C2: variants seen among roughly 807,000 people sequenced by gnomAD.
C2 encodes the protein C3/C5 convertase.
Under a neutral mutation model 85.2 loss-of-function variants are expected in C2, and 64 were observed. The observed-to-expected ratio is 0.75, with a 90% CI of 0.61 to 0.92. C2 has a LOEUF of 0.92. Ranked by LOEUF, C2 falls within the 40% of genes least tolerant of loss-of-function variation. The pLI, the probability that C2 is intolerant of heterozygous loss-of-function variation, is 0.00. For synonymous variants in C2, 311 were observed against 370.8 expected, an observed-to-expected ratio of 0.84 and a Z score of 1.85; for missense variants, 820 against 971.6, an observed-to-expected ratio of 0.84 and a Z score of 2.07.
chr6:31,933,651 C>T lies in C2; in HGVS notation c.484C>T (p.Arg162Trp), dbSNP rs752930289. 2.0e-5 allele frequency: 33 copies of T among 1,613,026 alleles called. No homozygotes were observed. The highest frequency in any genetic ancestry group is 3.3e-5 in the South Asian group (3 of 91,094). ...CCCAGGCATTTCACTGGGCGCAGTG[C>T]GGACAGGCTTCCGCTTTGGTCATGG... ...PNPGISLGAV[R>W]TGFRFGHGDK... Residue 162 changes from arginine (R) to tryptophan (W), a missense_variant, in exon 4 of 18, where the codon CGG (arginine) becomes TGG (tryptophan). Physicochemically the swap from Arg to Trp is moderately radical, Grantham distance 101. Coordinates refer to ENST00000299367, the MANE Select transcript of C2 (RefSeq NM_000063.6).
intron 1 of C2, among the ~76,000 whole-genome samples, chr6:31,907,568 G>T (rs1479269436): frequency 7.5e-6 from 1 of 133,294 alleles, no homozygotes; most frequent in Non-Finnish European, 1.6e-5. Context: ...GGGTGATGGC[G>T]CAAGACCCTG....
chr6:31,911,698 T>G (rs538628437), intron 1 of C2, among the ~76,000 whole-genome samples: 1 of 150,816 alleles, frequency 6.6e-6, no homozygotes, highest in Admixed American at 6.6e-5. Context: ...TGGAGTGCAG[T>G]GGCACACTGC....
upstream of C2, chr6:31,899,903 T>C: frequency 6.5e-7 from 1 of 1,539,044 alleles, no homozygotes. Flanking sequence ...GGCCCCAGCC[T>C]CCTGGCCTCC....
intron 2 of C2, 34 bp downstream of exon 2, chr6:31,928,198 A>G (rs1314569513): frequency 5.1e-6 from 8 of 1,572,122 alleles, no homozygotes; most frequent in Non-Finnish European, 4.3e-6. Context: ...TCAGGGTGCT[A>G]CACCAGGGGC....
At chr6:31,903,674 GTAAT>G (rs1397842439) in intron 1 of C2, among the ~76,000 whole-genome samples, 1 of 152,036 alleles carries the variant, frequency 6.6e-6, no homozygotes, top group Non-Finnish European at 1.5e-5. Flanking sequence ...GATTGTTGAA[GTAAT>G]TCCTCTTTGG....
At chr6:31,915,299 G>T (rs1768429682), upstream of C2, among the ~76,000 whole-genome samples, 1 of 152,098 alleles carries the variant, frequency 6.6e-6, no homozygotes. Flanking sequence ...TCCCTCCCCA[G>T]CCCTGAAAGG....
In C2 at chr6:31,901,313, G is replaced by C. The variant is rs556201424; in HGVS notation, c.73+174G>C. ...TTCCACCCCAGAGGCCATTGTGGCGGGGGTGGGCAACCCTGGTTGGGAAGG... is the reference window on the plus strand; with the variant it reads ...TTCCACCCCAGAGGCCATTGTGGCGCGGGTGGGCAACCCTGGTTGGGAAGG... On this transcript the variant is annotated intron_variant, in intron 1 of 3. Transcript: ENST00000452202. 663 of 1,602,446 alleles carry C rather than the reference G, an allele frequency of 4.1e-4. 3 individuals carry two copies. In the African/African-American group the frequency reaches 8.3e-3, roughly 20 times the overall value.
upstream of C2, chr6:31,899,939 A>T: frequency 2.5e-6 from 4 of 1,583,584 alleles, no homozygotes; most frequent in Non-Finnish European, 3.4e-6. Context: ...GCGGATGAGG[A>T]CGTTAATCTC....
upstream of C2, chr6:31,898,038 C>T: frequency 2.5e-6 from 1 of 400,448 alleles, no homozygotes; most frequent in Non-Finnish European, 3.4e-6. Context: ...GCTTTTCTGC[C>T]TTTCTAGTTT....
chr6:31,942,699 G>A (rs1270506473), intron 9 of C2, among the ~76,000 whole-genome samples: 1 of 152,178 alleles, frequency 6.6e-6, no homozygotes, highest in Non-Finnish European at 1.5e-5. Flanking sequence ...AGTGAACTAG[G>A]CAGAGGCACA....
At position 31,910,573 on chromosome 6, in the gene C2, C is replaced by T. The variant is rs144414475; in HGVS notation, c.73+9434C>T. Among the ~76,000 whole-genome samples the T allele has an allele frequency of 2.3e-4, 35 of 152,044 alleles. No homozygotes were observed. In the East Asian group the frequency reaches 4.8e-3, roughly 21 times the overall value. ...AGGCTTTCAAGCACAAAATGTATTA[C>T]ATTAGGATAATGTCTTGGGGGTAGA... On this transcript the variant is annotated intron_variant, in intron 1 of 3. Transcript: ENST00000452202.
rs371890710 is a variant in C2 at position 31,944,195 on chromosome 6, A to G, written c.1871A>G (p.Lys624Arg). ...CATTTTGTCGCCTTGAATGGGAGCA[A>G]ACTGAACATTAACCTTAAGATGGGA... is the stretch of plus-strand genomic sequence containing the variant. ...PAHFVALNGS[K>R]LNINLKMGVE... Residue 624 changes from lysine to arginine, a missense_variant, in exon 15 of 18, where the codon AAA (lysine) becomes AGA (arginine). Transcript: ENST00000299367. The surrounding 1 kb of genome is among the most constrained non-coding windows in gnomAD (Gnocchi z 5.1). The G allele has an allele frequency of 2.5e-6, 4 of 1,612,476 alleles. No homozygotes were observed. The African/African-American group carries it at 5.3e-5, about 21-fold the overall frequency.
At chr6:31,923,649 A>AT (rs201661801), upstream of C2, among the ~76,000 whole-genome samples, 7,188 of 141,180 alleles carry the variant, frequency 0.051, 165 homozygotes, top group African/African-American at 0.075. Context: ...CACCCAGCTA[A>AT]TTTTTTTTTT....
chr6:31,938,517 G>C (rs1336371802), intron 8 of C2, among the ~76,000 whole-genome samples: 1 of 146,960 alleles, frequency 6.8e-6, no homozygotes, highest in African/African-American at 2.5e-5. Context: ...TTTGAGACAG[G>C]GTCTCACTCT....
At chr6:31,924,629 G>A (rs1324029398), upstream of C2, among the ~76,000 whole-genome samples, 5 of 152,318 alleles carry the variant, frequency 3.3e-5, no homozygotes, top group African/African-American at 1.2e-4. Context: ...CAAATACTGG[G>A]AAAAACTCAT....
chr6:31,928,638 C>A, intron 2 of C2, 94 bp from the exon 3 acceptor site: 2 of 1,248,196 alleles, frequency 1.6e-6, no homozygotes, highest in South Asian at 2.5e-5. Context: ...GTTGACCATT[C>A]CCATGCATTC....
chr6:31,942,868 T>G lies in C2; in HGVS notation c.1220-91T>G, dbSNP rs761901652. 5.2e-6 allele frequency: 8 copies of G among 1,543,600 alleles called. No individual in the cohort carries two copies. In the Admixed American group the frequency reaches 8.4e-5, roughly 16 times the overall value. On this transcript the variant is annotated intron_variant, in intron 9 of 17. Coordinates refer to ENST00000299367, the MANE Select transcript of C2 (RefSeq NM_000063.6). ...GGGGTCCAGCTCATGTAGGTCTTGA[T>G]TGGACACAGTGAGTTTCAGATGACA...
At chr6:31,927,587 C>A, upstream of C2, 5 of 1,558,544 alleles carry the variant, frequency 3.2e-6, no homozygotes, top group Non-Finnish European at 4.3e-6. The surrounding 1 kb of genome is among the most constrained non-coding windows in gnomAD (Gnocchi z 4.7). Flanking sequence ...GTCCCCAATC[C>A]CTGCTTATTA....
At chr6:31,914,460 G>A (rs1438767251) in intron 1 of C2, among the ~76,000 whole-genome samples, 1 of 151,496 alleles carries the variant, frequency 6.6e-6, no homozygotes, top group Non-Finnish European at 1.5e-5. Flanking sequence ...GCGTAGTGGT[G>A]TATGCCTGTA....
Sources: gnomAD v4.1 joint callset for allele counts (sites outside exome capture counted in the v4.1 genomes callset) on GRCh38, gnomAD v4.1.1 for gene constraint, Gnocchi (gnomAD v3.1) non-coding constraint, MANE v1.5 for transcripts, NCBI Gene and HGNC (gene_info 2026-07-23, HGNC 2026-07-21) for gene names.